TMCO5A: variants seen among roughly 807,000 people sequenced by gnomAD.
TMCO5A encodes transmembrane and coiled-coil domain-containing protein 5A.
In TMCO5A, 34 loss-of-function variants were observed where a neutral mutation model predicts 42.3. The ratio of observed to expected loss-of-function variants is 0.80; its 90% CI spans 0.61 to 1.07. The LOEUF is 1.07. TMCO5A is among the 50% of genes least tolerant of loss of function. The pLI is 0.00. For synonymous variants in TMCO5A, 131 were observed against 115.6 expected (o/e 1.13, Z -0.86); for missense variants, 357 against 327.9 (o/e 1.09, Z -0.69).
At chr15:37,996,020 G>A in the TMCO5A span, among the ~76,000 whole-genome samples, 272 of 152,268 alleles carry the variant, frequency 1.8e-3, no homozygotes, top group African/African-American at 6.2e-3. Flanking sequence ...CTAGGGGGAC[G>A]TTAATTCTGC....
At chr15:37,987,160 T>A in the TMCO5A span, among the ~76,000 whole-genome samples, 1 of 152,098 alleles carries the variant, frequency 6.6e-6, no homozygotes, top group Non-Finnish European at 1.5e-5. Flanking sequence ...TAATTAGTGA[T>A]GTTGAGCATC....
chr15:38,020,843 T>A, the TMCO5A span, among the ~76,000 whole-genome samples: 3 of 152,142 alleles, frequency 2.0e-5, no homozygotes, highest in Non-Finnish European at 4.4e-5. Context: ...ATAGTATTGC[T>A]TTTTGGTTTA....
At chr15:37,999,373 T>A in the TMCO5A span, among the ~76,000 whole-genome samples, 2 of 152,260 alleles carry the variant, frequency 1.3e-5, no homozygotes, top group African/African-American at 2.4e-5. Flanking sequence ...TTCTTGTATG[T>A]TGATTTTGCA....
chr15:38,014,892 T>TATATAC, the TMCO5A span, among the ~76,000 whole-genome samples: 2 of 119,732 alleles, frequency 1.7e-5, no homozygotes, highest in African/African-American at 3.0e-5. Context: ...TATATATATA[T>TATATAC]ATATATGAGT....
the TMCO5A span, among the ~76,000 whole-genome samples, chr15:37,978,120 G>A: frequency 1.3e-5 from 2 of 152,338 alleles, no homozygotes; most frequent in South Asian, 2.1e-4. Flanking sequence ...CAACGGGAAC[G>A]GGAACGTTAA....
intron 11 of TMCO5A, among the ~76,000 whole-genome samples, chr15:37,948,426 G>A (rs1014646482): frequency 6.6e-6 from 1 of 152,034 alleles, no homozygotes; most frequent in Non-Finnish European, 1.5e-5. Context: ...TTAAAGGTCA[G>A]CTCCAATTGT....
intron 7 of TMCO5A, 47 bp downstream of exon 7, chr15:37,941,252 T>C (rs369508801): frequency 4.5e-6 from 7 of 1,571,718 alleles, no homozygotes; most frequent in African/African-American, 2.7e-5. Flanking sequence ...AAGGGAAATG[T>C]GATCTTTGGT....
the TMCO5A span, among the ~76,000 whole-genome samples, chr15:38,038,271 C>T: frequency 1.3e-5 from 2 of 152,156 alleles, no homozygotes; most frequent in African/African-American, 4.8e-5. Flanking sequence ...TCCATTTCAT[C>T]TCTGTTTCCT....
the TMCO5A span, among the ~76,000 whole-genome samples, chr15:38,038,774 T>A: frequency 6.6e-6 from 1 of 152,220 alleles, no homozygotes; most frequent in African/African-American, 2.4e-5. Context: ...TCATTTCCCA[T>A]CAATTTTAAA....
chr15:37,984,353 G>T, the TMCO5A span, among the ~76,000 whole-genome samples: 1 of 152,254 alleles, frequency 6.6e-6, no homozygotes, highest in South Asian at 2.1e-4. Flanking sequence ...GCTGAACAAT[G>T]TCATGAGACT....
the TMCO5A span, among the ~76,000 whole-genome samples, chr15:38,019,756 G>T: frequency 2.6e-5 from 4 of 151,128 alleles, no homozygotes; most frequent in African/African-American, 7.3e-5. Flanking sequence ...TACAGGCAGT[G>T]CCACTATGTC....
the TMCO5A span, among the ~76,000 whole-genome samples, chr15:38,002,368 C>A: frequency 6.6e-6 from 1 of 151,964 alleles, no homozygotes; most frequent in African/African-American, 2.4e-5. Context: ...ATATTGATAT[C>A]TTTCCCTAGG....
the TMCO5A span, among the ~76,000 whole-genome samples, chr15:37,974,037 A>C: frequency 6.6e-6 from 1 of 152,084 alleles, no homozygotes; most frequent in East Asian, 1.9e-4. Flanking sequence ...TTTTGGTTTT[A>C]GTTCTGTTTA....
the TMCO5A span, among the ~76,000 whole-genome samples, chr15:38,023,143 T>G: frequency 6.6e-6 from 1 of 152,138 alleles, no homozygotes; most frequent in African/African-American, 2.4e-5. Flanking sequence ...CATCTCAAGC[T>G]TTACAACAGT....
chr15:38,030,871 G>T, the TMCO5A span, among the ~76,000 whole-genome samples: 159 of 152,258 alleles, frequency 1.0e-3, no homozygotes, highest in South Asian at 0.013. Context: ...CCCAAAATGA[G>T]TTATATGCCT....
At chr15:37,982,479 TGTATTATATA>T in the TMCO5A span, among the ~76,000 whole-genome samples, 3,431 of 69,370 alleles carry the variant, frequency 0.049, 70 homozygotes, top group Non-Finnish European at 0.059. Flanking sequence ...AGATATTTTA[TGTATTATATA>T]TTATCTATAT....
chr15:37,935,940 A>G lies in TMCO5A; in HGVS notation c.-10-374A>G, dbSNP rs111648201. The G allele has an allele frequency of 2.0e-3, 303 of 155,170 alleles. 1 individual carries two copies. Among genetic ancestry groups the G allele is most frequent in the African/African-American group, 6.7e-3 (280 of 41,660 alleles). 9.6% of individuals were successfully genotyped at this position (155,170 alleles called of 1,614,324 possible). A position where few individuals can be genotyped will look rare whatever the true frequency, so the allele number is the denominator to read the frequency against. On this transcript the variant is annotated intron_variant, in intron 2 of 11. Transcript: ENST00000319669. ...GCCAGGTGCTTAGATAAAAGTGTTC[A>G]ATAAATGTGTATTGTATGAGCAGGT...
the TMCO5A span, among the ~76,000 whole-genome samples, chr15:37,975,198 G>GA: frequency 0.024 from 3,636 of 152,252 alleles, 148 homozygotes; most frequent in African/African-American, 0.083. Flanking sequence ...ATGCAAAGGA[G>GA]AAAAACGTAT....
the TMCO5A span, among the ~76,000 whole-genome samples, chr15:38,001,260 CTT>C: frequency 1.3e-5 from 2 of 152,008 alleles, no homozygotes; most frequent in African/African-American, 4.8e-5. Flanking sequence ...TAGTGACCTT[CTT>C]TGTTTCTTCT....
Sources: allele counts gnomAD v4.1 joint callset (sites outside exome capture counted in the v4.1 genomes callset), GRCh38; gene constraint gnomAD v4.1.1; transcripts MANE v1.5; gene names NCBI Gene and HGNC (gene_info 2026-07-23, HGNC 2026-07-21).